COL3A1: variants seen among roughly 807,000 people sequenced by gnomAD.
COL3A1 encodes collagen type III alpha 1 chain.
In COL3A1, 46 loss-of-function variants were observed where a neutral mutation model predicts 200.9. The ratio of observed to expected loss-of-function variants is 0.23; its 90% CI spans 0.18 to 0.29. The LOEUF (loss-of-function observed/expected upper bound fraction) is 0.29, where lower values mean the gene tolerates loss of function less well. COL3A1 is among the 10% of genes least tolerant of loss of function. COL3A1 has a pLI of 1.00. For synonymous variants in COL3A1, 650 were observed against 628.0 expected (o/e 1.03, Z -0.52); for missense variants, 1,367 against 1,917.6 (o/e 0.71, Z 5.36).
chr2:188,975,842 C>T (rs2153500238), intron 1 of COL3A1, among the ~76,000 whole-genome samples: 1 of 152,086 alleles, frequency 6.6e-6, no homozygotes, highest in South Asian at 2.1e-4. Context: ...TCTCTCTCCA[C>T]CCCTTTTGGC....
Position 188,998,665 on chromosome 2 carries a change from ATC to A in COL3A1, c.1978-6_1978-5del, listed in dbSNP as rs1688384102. On this transcript the variant is annotated splice_polypyrimidine_tract_variant and splice_region_variant and intron_variant, in intron 28 of 50. Coordinates refer to ENST00000304636, the MANE Select transcript of COL3A1 (RefSeq NM_000090.4). ...ATATGGGCCTAATCATATAATGCCA[ATC>A]TCCCAGGGTCCAAAGGGTGATGCCG... The A allele has an allele frequency of 6.2e-7, 1 of 1,613,606 alleles. No homozygotes were observed. The highest frequency in any genetic ancestry group is 1.3e-5 in the African/African-American group (1 of 74,912).
At chr2:188,996,579 C>A in intron 24 of COL3A1, 83 bp downstream of exon 24, 1 of 1,108,320 alleles carries the variant, frequency 9.0e-7, no homozygotes, top group Non-Finnish European at 1.3e-6. Flanking sequence ...ATGGTCAAAA[C>A]TCAGTCTCCT....
chr2:188,991,460 A>T (rs777439338), intron 11 of COL3A1, 27 bp from the exon 12 acceptor site: 1 of 1,499,558 alleles, frequency 6.7e-7, no homozygotes, highest in Non-Finnish European at 9.2e-7. Flanking sequence ...CTTTTGTAAA[A>T]TAGTAACATA....
At chr2:189,008,477 ATT>A (rs1688646568) in intron 47 of COL3A1, 1 of 411,326 alleles carries the variant, frequency 2.4e-6, no homozygotes, top group Admixed American at 3.9e-5. Context: ...TATGTAGTGC[ATT>A]TTACTTCTCA....
chr2:189,007,495 T>G lies in COL3A1; in HGVS notation c.3256-5T>G. ...ATGACTTCAATTCAAAATATGTTTC[T>G]AAAGGGTCCTCAAGGCCCACGTGGT... On this transcript the variant is annotated splice_polypyrimidine_tract_variant and splice_region_variant and intron_variant, in intron 44 of 50. Coordinates refer to ENST00000304636, the MANE Select transcript of COL3A1 (RefSeq NM_000090.4). 1.9e-6 allele frequency: 3 copies of G among 1,610,728 alleles called. No individual in the cohort carries two copies. The highest frequency in any genetic ancestry group is 2.5e-6 in the Non-Finnish European group (3 of 1,178,012).
chr2:189,004,249 T>C lies in COL3A1; in HGVS notation c.2824-8T>C, dbSNP rs1449072788. On this transcript the variant is annotated splice_region_variant and splice_polypyrimidine_tract_variant and intron_variant, in intron 39 of 50. Coordinates refer to ENST00000304636, the MANE Select transcript of COL3A1 (RefSeq NM_000090.4). ...AAAGATGAGCTAAGTCTTCATTATC[T>C]GTATTAGGGAGCTCCAGGCCCACTT... 2 of 1,600,814 alleles carry C rather than the reference T, an allele frequency of 1.2e-6. No individual in the cohort carries two copies. Among genetic ancestry groups the C allele is most frequent in the Non-Finnish European group, 1.7e-6 (2 of 1,173,540 alleles).
At chr2:189,010,577 A>G in intron 49 of COL3A1, 71 bp from the exon 50 acceptor site, 1 of 1,593,616 alleles carries the variant, frequency 6.3e-7, no homozygotes, top group Non-Finnish European at 8.6e-7. Flanking sequence ...ATGCATACAC[A>G]TACTACATGA....
In COL3A1 at chr2:189,008,100, A is replaced by G. The variant is rs1688636958; in HGVS notation, c.3483A>G (p.Gly1161=). 6.2e-7 allele frequency: 1 copy of G among 1,613,800 alleles called. No individual in the cohort carries two copies. Among genetic ancestry groups the G allele is most frequent in the Non-Finnish European group, 8.5e-7 (1 of 1,179,926 alleles). Reference sequence around the variant, plus strand: ...CCAGTGGACATCCAGGTCCCATTGGACCACCAGGGCCTCGAGGTAACAGAG... The same window carrying G: ...CCAGTGGACATCCAGGTCCCATTGGGCCACCAGGGCCTCGAGGTAACAGAG... ...DGTSGHPGPI[G]PPGPRGNRGE... The change falls in exon 47 of 51, where the codon GGA becomes GGG. Residue 1161 remains glycine (G), a synonymous_variant. Transcript: ENST00000304636.
chr2:189,008,785 C>G (rs1688652054), intron 47 of COL3A1, 139 bp from the exon 48 acceptor site: 1 of 940,436 alleles, frequency 1.1e-6, no homozygotes, highest in Admixed American at 1.9e-5. Flanking sequence ...CTAAAGGCAC[C>G]CAAATAAATC....
intron 10 of COL3A1, 143 bp downstream of exon 10, chr2:188,990,503 T>C: frequency 2.5e-6 from 2 of 791,456 alleles, no homozygotes; most frequent in East Asian, 2.7e-5. Context: ...ACTAAGTTTG[T>C]TTGTTGACCA....
Position 188,992,834 on chromosome 2 carries a change from C to G in COL3A1, c.997-53C>G. 6.3e-6 allele frequency: 9 copies of G among 1,437,072 alleles called. No homozygotes were observed. The South Asian group carries it at 1.0e-4, about 16-fold the overall frequency. The allele number at this position is 1,437,072 out of a possible 1,614,324, so 89.0% of individuals were successfully genotyped here. ...TGTGCTCACTTATTTACTAGTATGTCAGCTTTCATTTAGTTGAAAAAGAGC... is the reference window on the plus strand; with the variant it reads ...TGTGCTCACTTATTTACTAGTATGTGAGCTTTCATTTAGTTGAAAAAGAGC... On this transcript the variant is annotated intron_variant, in intron 14 of 50. Transcript: ENST00000304636.
At position 188,994,317 on chromosome 2, in the gene COL3A1, A is replaced by G; in HGVS notation, c.1278A>G (p.Gly426=). Reference sequence around the variant, plus strand: ...CAGCCGGTGCTAATGGTGCTCCTGGACTGCGAGGTGGTGCAGTAAGTTGCC... The same window carrying G: ...CAGCCGGTGCTAATGGTGCTCCTGGGCTGCGAGGTGGTGCAGTAAGTTGCC... ...PGPAGANGAP[G]LRGGAGEPGK... The change falls in exon 18 of 51, where the codon GGA becomes GGG. Residue 426 remains glycine, a synonymous_variant. Coordinates refer to ENST00000304636, the MANE Select transcript of COL3A1 (RefSeq NM_000090.4). This position sits in a 1 kb window ranked among gnomAD's most constrained non-coding sequence, Gnocchi z 4.5. 6.2e-7 allele frequency: 1 copy of G among 1,613,684 alleles called. No homozygotes were observed. Among genetic ancestry groups the G allele is most frequent in the Non-Finnish European group, 8.5e-7 (1 of 1,179,952 alleles).
At position 189,012,398 on chromosome 2, in the gene COL3A1, T is replaced by A. The variant is rs935198038; in HGVS notation, c.*624T>A. ...TGCTTGTAAAGGTGCTCCTCTTTTT[T>A]CTTGTCATTGCTGGTCAAGATTACT... is the stretch of plus-strand genomic sequence containing the variant. On this transcript the variant is annotated 3_prime_UTR_variant, in exon 51 of 51. Transcript: ENST00000304636. 4.6e-5 allele frequency: 7 copies of A among 152,692 alleles called. No homozygotes were observed. Among genetic ancestry groups the A allele is most frequent in the Non-Finnish European group, 1.0e-4 (7 of 68,286 alleles). The allele number at this position is 152,692 out of a possible 1,614,324, so 9.5% of individuals were successfully genotyped here.
intron 4 of COL3A1, among the ~76,000 whole-genome samples, 155 bp downstream of exon 4, chr2:188,985,933 T>G (rs1421110214): frequency 5.3e-5 from 8 of 152,100 alleles, no homozygotes; most frequent in Admixed American, 5.2e-4. Context: ...TTCTATGTAT[T>G]AGGCACTATT....
At chr2:188,993,278 G>A in intron 15 of COL3A1, 83 bp from the exon 16 acceptor site, 2 of 1,153,040 alleles carry the variant, frequency 1.7e-6, no homozygotes, top group African/African-American at 1.5e-5. Context: ...TTTGGGAGAT[G>A]TGTTTAAACA....
chr2:189,007,963 A>T, intron 46 of COL3A1, 25 bp downstream of exon 46: 1 of 1,614,154 alleles, frequency 6.2e-7, no homozygotes, highest in Non-Finnish European at 8.5e-7. Context: ...AAGATATTAC[A>T]GGTCCACATG....
At chr2:189,010,402 T>A in intron 49 of COL3A1, 37 bp downstream of exon 49, 1 of 1,603,414 alleles carries the variant, frequency 6.2e-7, no homozygotes, top group Middle Eastern at 1.7e-4. Context: ...ATAAGTCACC[T>A]CTATATCCTT....
At position 188,991,153 on chromosome 2, in the gene COL3A1, A is replaced by C. The variant is rs41272825; in HGVS notation, c.852+96A>C. On this transcript the variant is annotated intron_variant, in intron 11 of 50. Transcript: ENST00000304636. ...ATTGTGAGCCTTAACTTGTTTTCTG[A>C]AATTTACCTGAATTTTACCTATTAG... 42 of 1,331,078 alleles carry C rather than the reference A, an allele frequency of 3.2e-5. No homozygotes were observed. In the East Asian group the frequency reaches 8.5e-4, roughly 27 times the overall value. The allele number at this position is 1,331,078 out of a possible 1,614,324, so 82.5% of individuals were successfully genotyped here.
At chr2:188,984,644 A>G (rs1465866781) in intron 1 of COL3A1, 116 bp from the exon 2 acceptor site, 1 of 885,160 alleles carries the variant, frequency 1.1e-6, no homozygotes, top group African/African-American at 1.7e-5. Context: ...AAAGGAAGAA[A>G]TTATTTGTTT....
Sources: gnomAD v4.1 joint callset for allele counts (sites outside exome capture counted in the v4.1 genomes callset) on GRCh38, gnomAD v4.1.1 for gene constraint, Gnocchi (gnomAD v3.1) non-coding constraint, MANE v1.5 for transcripts, NCBI Gene and HGNC (gene_info 2026-07-23, HGNC 2026-07-21) for gene names.